SIAH3: variants seen among roughly 807,000 people sequenced by gnomAD.
The protein encoded by SIAH3 is siah E3 ubiquitin protein ligase family member 3, also known as seven in absentia homolog 3.
In SIAH3, 9 loss-of-function variants were observed where a neutral mutation model predicts 12.6. The observed-to-expected ratio is 0.72, with a 90% confidence interval of 0.43 to 1.25. The LOEUF is 1.25. Ranked by LOEUF, SIAH3 falls within the 50% of genes most tolerant of loss-of-function variation. SIAH3 has a pLI of 0.00. For synonymous variants in SIAH3, 154 were observed against 151.1 expected (o/e 1.02, Z -0.14); for missense variants, 390 against 365.4 (o/e 1.07, Z -0.55).
intron 1 of SIAH3, among the ~76,000 whole-genome samples, chr13:45,843,817 T>A (rs1393950779): frequency 6.6e-6 from 1 of 152,016 alleles, no homozygotes. Context: ...AAAGCCAGCT[T>A]TGAGTAGCTG....
In SIAH3 at chr13:45,822,947, G is replaced by GGGCT. The variant is rs1555258703; in HGVS notation, c.135+28547_135+28548insAGCC. On this transcript the variant is annotated intron_variant, in intron 1 of 1. Transcript: ENST00000400405. The stretch of plus-strand genomic sequence containing the variant: ...AACAAAGGCCACAAAGTCGTCCCAA[G>GGGCT]GTCCTTGCACCCTGGAGAGGGGCGA... 9.2e-5 allele frequency among the ~76,000 whole-genome samples: 14 copies of GGGCT among 151,504 alleles called. No homozygotes were observed. The East Asian group carries it at 2.7e-3, about 30-fold the overall frequency.
At chr13:45,836,222 C>A (rs952900429) in intron 1 of SIAH3, among the ~76,000 whole-genome samples, 4 of 152,206 alleles carry the variant, frequency 2.6e-5, no homozygotes, top group African/African-American at 9.7e-5. Flanking sequence ...TTGAAAAGTC[C>A]TGCCAGGTTA....
intron 1 of SIAH3, among the ~76,000 whole-genome samples, chr13:45,808,578 A>G (rs1950605933): frequency 6.6e-6 from 1 of 152,234 alleles, no homozygotes; most frequent in Non-Finnish European, 1.5e-5. Context: ...CAAAACCAAT[A>G]AATACATTCT....
In SIAH3 at chr13:45,846,830, G is replaced by C. The variant is rs921886963; in HGVS notation, c.135+4665C>G. ...AGCCTCCCCTACAACTCAATCACCG[G>C]CACAGGGCTAACCAAATTACTGCTC... is the stretch of plus-strand genomic sequence containing the variant. On this transcript the variant is annotated intron_variant, in intron 1 of 1. Coordinates refer to ENST00000400405, the MANE Select transcript of SIAH3 (RefSeq NM_198849.3). 3.3e-5 allele frequency among the ~76,000 whole-genome samples: 5 copies of C among 152,086 alleles called. No homozygotes were observed. In the East Asian group the frequency reaches 9.7e-4, roughly 29 times the overall value.
At position 45,777,715 on chromosome 13, in the gene SIAH3, C is replaced by T. The variant is rs1365230095; in HGVS notation, c.*5668G>A. 2.6e-5 allele frequency: 4 copies of T among 152,188 alleles called. No individual in the cohort carries two copies. Among genetic ancestry groups the T allele is most frequent in the Non-Finnish European group, 2.9e-5 (2 of 68,044 alleles). The allele number at this position is 152,188 out of a possible 1,614,324, so 9.4% of individuals were successfully genotyped here. On this transcript the variant is annotated 3_prime_UTR_variant, in exon 2 of 2. Transcript: ENST00000400405. ...GAAATTTAACAATCTGACTAGGAGA[C>T]GCCACTCATGATGCTATTTGCAGCT...
rs534823317 is a variant in SIAH3 at position 45,800,793 on chromosome 13, T to C, written c.136-16736A>G. 3.3e-5 allele frequency among the ~76,000 whole-genome samples: 5 copies of C among 152,354 alleles called. No homozygotes were observed. In the East Asian group the frequency reaches 7.7e-4, roughly 23 times the overall value. On this transcript the variant is annotated intron_variant, in intron 1 of 1. Coordinates refer to ENST00000400405, the MANE Select transcript of SIAH3 (RefSeq NM_198849.3). ...TTGACCCATGCTACCTATTAGAGATTGTGCTTGGGTCACCTCGTTTGTTGT... is the reference window on the plus strand; with the variant it reads ...TTGACCCATGCTACCTATTAGAGATCGTGCTTGGGTCACCTCGTTTGTTGT...
At chr13:45,823,749 G>A (rs1187342078) in intron 1 of SIAH3, among the ~76,000 whole-genome samples, 2 of 152,214 alleles carry the variant, frequency 1.3e-5, no homozygotes, top group Non-Finnish European at 2.9e-5. Context: ...TTCAGGGCCA[G>A]CAGGCACTGT....
At chr13:45,784,398 G>GTTTTTTTTTTTTTTTTTTTTTTTTTTTTT (rs35686357) in intron 1 of SIAH3, among the ~76,000 whole-genome samples, 4 of 65,802 alleles carry the variant, frequency 6.1e-5, no homozygotes, top group Non-Finnish European at 8.6e-5. Context: ...AAAGACAGCT[G>GTTTTTTTTTTTTTTTTTTTTTTTTTTTTT]TTTTTTTTTT....
intron 1 of SIAH3, among the ~76,000 whole-genome samples, chr13:45,809,197 G>A (rs938060653): frequency 6.6e-6 from 1 of 152,224 alleles, no homozygotes; most frequent in African/African-American, 2.4e-5. Context: ...TAGGACTTAA[G>A]GTGGGGAGAA....
intron 1 of SIAH3, among the ~76,000 whole-genome samples, chr13:45,813,209 C>T (rs112767684): frequency 1.8e-3 from 278 of 150,516 alleles, no homozygotes; most frequent in African/African-American, 6.5e-3. Flanking sequence ...TACTGAGTCC[C>T]GGACCCAGTG....
At position 45,783,029 on chromosome 13, in the gene SIAH3, A is replaced by C. The variant is rs1161264116; in HGVS notation, c.*354T>G. On this transcript the variant is annotated 3_prime_UTR_variant, in exon 2 of 2. Coordinates refer to ENST00000400405, the MANE Select transcript of SIAH3 (RefSeq NM_198849.3). ...CACACGAAGCCTCCTTTCAACCCCA[A>C]CAGTCTGCTTGATGGTGTTTTGATC... The C allele has an allele frequency of 6.3e-6, 1 of 158,198 alleles. No individual in the cohort carries two copies. Among genetic ancestry groups the C allele is most frequent in the African/African-American group, 2.4e-5 (1 of 41,676 alleles). 9.8% of individuals were successfully genotyped at this position (158,198 alleles called of 1,614,324 possible). A position where few individuals can be genotyped will look rare whatever the true frequency, so the allele number is the denominator to read the frequency against.
chr13:45,821,364 A>T (rs111636969), intron 1 of SIAH3, among the ~76,000 whole-genome samples: 1 of 152,258 alleles, frequency 6.6e-6, no homozygotes, highest in African/African-American at 2.4e-5. Flanking sequence ...GAGACAATCA[A>T]TTCCTGTTAT....
intron 1 of SIAH3, among the ~76,000 whole-genome samples, chr13:45,805,617 T>C (rs1028129232): frequency 2.6e-5 from 4 of 152,094 alleles, no homozygotes; most frequent in Admixed American, 1.3e-4. Context: ...CCTCAAACTA[T>C]AAAAATCTTA....
chr13:45,850,582 C>T (rs977278879), intron 1 of SIAH3, among the ~76,000 whole-genome samples: 1 of 152,086 alleles, frequency 6.6e-6, no homozygotes, highest in African/African-American at 2.4e-5. Context: ...CTCTCCCCAG[C>T]CCCCACCTCC....
chr13:45,790,892 C>G (rs1052722938), intron 1 of SIAH3, among the ~76,000 whole-genome samples: 2 of 152,182 alleles, frequency 1.3e-5, no homozygotes, highest in African/African-American at 4.8e-5. Flanking sequence ...TGAAAAATCA[C>G]TAGTTATGGC....
chr13:45,826,796 TA>T (rs1373941083), intron 1 of SIAH3, among the ~76,000 whole-genome samples: 1 of 152,132 alleles, frequency 6.6e-6, no homozygotes, highest in Non-Finnish European at 1.5e-5. Context: ...AATAAAAAGA[TA>T]ATGTGAGGGC....
Position 45,802,607 on chromosome 13 carries a change from G to T in SIAH3, c.136-18550C>A, listed in dbSNP as rs150095501. The stretch of plus-strand genomic sequence containing the variant: ...CTAGAAGCCCCAACTGATACCTTGG[G>T]ATAGGCCGTGGGGACACTCTGGGAT... On this transcript the variant is annotated intron_variant, in intron 1 of 1. Coordinates refer to ENST00000400405, the MANE Select transcript of SIAH3 (RefSeq NM_198849.3). Among the ~76,000 whole-genome samples the T allele has an allele frequency of 2.8e-4, 42 of 152,292 alleles. No homozygotes were observed. The Middle Eastern group carries it at 0.024, about 86-fold the overall frequency.
intron 1 of SIAH3, among the ~76,000 whole-genome samples, chr13:45,813,316 G>C (rs1337267231): frequency 2.0e-5 from 3 of 152,246 alleles, no homozygotes; most frequent in Non-Finnish European, 2.9e-5. Context: ...AATAAGGAGA[G>C]AGAGAGGATG....
At chr13:45,827,011 C>T (rs1393735368) in intron 1 of SIAH3, among the ~76,000 whole-genome samples, 2 of 152,144 alleles carry the variant, frequency 1.3e-5, no homozygotes, top group African/African-American at 4.8e-5. Context: ...ACCACCAATT[C>T]CTTTTTTCTT....
Sources: allele counts gnomAD v4.1 joint callset (sites outside exome capture counted in the v4.1 genomes callset), GRCh38; gene constraint gnomAD v4.1.1; transcripts MANE v1.5; gene names NCBI Gene and HGNC (gene_info 2026-07-23, HGNC 2026-07-21).